ZC3H6: variants seen among roughly 807,000 people sequenced by gnomAD.
ZC3H6 encodes zinc finger CCCH domain-containing protein 6.
In ZC3H6, 40 loss-of-function variants were observed where a neutral mutation model predicts 107.7. The observed-to-expected ratio is 0.37, with a 90% confidence interval of 0.29 to 0.48. The LOEUF (loss-of-function observed/expected upper bound fraction) is 0.48, where lower values mean the gene tolerates loss of function less well. ZC3H6 is among the 20% of genes least tolerant of loss of function. ZC3H6 has a pLI of 0.98. For missense variants in ZC3H6, 1,267 were observed against 1,410.4 expected (o/e 0.90, Z 1.63); for synonymous variants, 493 against 487.9 (o/e 1.01, Z -0.14).
At chr2:112,290,877 T>C (rs1382576001) in intron 1 of ZC3H6, among the ~76,000 whole-genome samples, 3 of 152,280 alleles carry the variant, frequency 2.0e-5, no homozygotes, top group Non-Finnish European at 2.9e-5. Context: ...AGCAATAAAA[T>C]GTTGCATTGA....
chr2:112,315,130 T>C (rs1465211036), intron 5 of ZC3H6, among the ~76,000 whole-genome samples: 1 of 152,226 alleles, frequency 6.6e-6, no homozygotes, highest in Non-Finnish European at 1.5e-5. Context: ...ATTGAACTCC[T>C]ATGATATACA....
intron 5 of ZC3H6, among the ~76,000 whole-genome samples, chr2:112,315,732 A>G (rs538837169): frequency 6.6e-6 from 1 of 152,040 alleles, no homozygotes; most frequent in South Asian, 2.1e-4. Context: ...AGTAGCTGAG[A>G]TTACAGAGGT....
intron 1 of ZC3H6, among the ~76,000 whole-genome samples, chr2:112,289,316 CTTTTTCT>C (rs144482138): frequency 0.2 from 23,409 of 119,214 alleles, 1 homozygote; most frequent in East Asian, 0.24. Flanking sequence ...CTTTTTTTTT[CTTTTTCT>C]TTTTTTTTTT....
At position 112,276,024 on chromosome 2, in the gene ZC3H6, C is replaced by A. The variant is rs1389277573; in HGVS notation, c.30C>A (p.Asp10Glu). MTDSEHAGHDREDGELEDGE... is the reference protein window; with the variant it reads MTDSEHAGHEREDGELEDGE... Reference sequence around the variant, plus strand: ...CAGACTCTGAACATGCAGGGCACGACAGGTCGGGAACCCTTCTTGTCTGTC... The same window carrying A: ...CAGACTCTGAACATGCAGGGCACGAAAGGTCGGGAACCCTTCTTGTCTGTC... Residue 10 changes from aspartate to glutamate, a missense_variant and splice_region_variant, in exon 1 of 12, where the codon GAC (aspartate) becomes GAA (glutamate). This residue lies in a region of ZC3H6 where 337 missense variants were observed against 361.2 expected (regional missense o/e 0.93). Transcript: ENST00000409871. 1 of 1,542,702 alleles carries A rather than the reference C, an allele frequency of 6.5e-7. No individual in the cohort carries two copies. The highest frequency in any genetic ancestry group is 8.7e-7 in the Non-Finnish European group (1 of 1,143,620).
chr2:112,278,416 C>T (rs1220561723), intron 1 of ZC3H6, among the ~76,000 whole-genome samples: 1 of 152,214 alleles, frequency 6.6e-6, no homozygotes, highest in African/African-American at 2.4e-5. Flanking sequence ...TTCCCGCCTT[C>T]ACACCATTCT....
chr2:112,300,737 CTTAAAGAGT>C (rs1676357778), intron 2 of ZC3H6, among the ~76,000 whole-genome samples: 1 of 151,826 alleles, frequency 6.6e-6, no homozygotes, highest in Non-Finnish European at 1.5e-5. Context: ...ATAGTTGGCT[CTTAAAGAGT>C]TTACATTGCA....
chr2:112,280,206 G>A (rs1686501316), intron 1 of ZC3H6, among the ~76,000 whole-genome samples: 1 of 152,084 alleles, frequency 6.6e-6, no homozygotes, highest in Non-Finnish European at 1.5e-5. Context: ...ACAATATCTG[G>A]TTTGTAAATT....
Position 112,309,781 on chromosome 2 carries a change from T to C in ZC3H6, c.337-104T>C, listed in dbSNP as rs1573957881. On this transcript the variant is annotated intron_variant, in intron 3 of 11. Transcript: ENST00000409871. ...AGAGTCAGAACTAATAACTGTCTTT[T>C]CTCCTTTCTCCAAACTTGCTGGGGG... is the stretch of plus-strand genomic sequence containing the variant. The C allele has an allele frequency of 3.5e-6, 4 of 1,152,680 alleles. No individual in the cohort carries two copies. In the East Asian group the frequency reaches 1.0e-4, roughly 30 times the overall value. 71.4% of individuals were successfully genotyped at this position (1,152,680 alleles called of 1,614,324 possible).
At chr2:112,290,167 C>T (rs1415574239) in intron 1 of ZC3H6, among the ~76,000 whole-genome samples, 1 of 152,238 alleles carries the variant, frequency 6.6e-6, no homozygotes, top group Non-Finnish European at 1.5e-5. Context: ...TGTCACCCAA[C>T]TGGTCTGCCC....
At chr2:112,327,885 A>AGTTCATTTTTTTGTTTTTGTTT (rs533434140) in intron 11 of ZC3H6, among the ~76,000 whole-genome samples, 145 of 151,616 alleles carry the variant, frequency 9.6e-4, no homozygotes, top group African/African-American at 3.4e-3. Context: ...GTTTTTTGTT[A>AGTTCATTTTTTTGTTTTTGTTT]GTTCATTTTT....
At chr2:112,330,138 C>T (rs533982942) in intron 11 of ZC3H6, among the ~76,000 whole-genome samples, 8 of 151,626 alleles carry the variant, frequency 5.3e-5, no homozygotes, top group Admixed American at 4.6e-4. Flanking sequence ...CTGCGAGCTC[C>T]GCCTCCCAGG....
intron 1 of ZC3H6, among the ~76,000 whole-genome samples, chr2:112,281,961 G>A (rs1246145117): frequency 2.0e-5 from 3 of 152,054 alleles, no homozygotes; most frequent in Non-Finnish European, 4.4e-5. Context: ...TTGCAAACTG[G>A]TGGGCTTCAG....
Position 112,325,169 on chromosome 2 carries a change from A to G in ZC3H6, c.2058A>G (p.Gln686=). 1 of 1,614,006 alleles carries G rather than the reference A, an allele frequency of 6.2e-7. No homozygotes were observed. The highest frequency in any genetic ancestry group is 8.5e-7 in the Non-Finnish European group (1 of 1,179,888). Residue 686 remains glutamine, a synonymous_variant, in exon 11 of 12, where the codon CAA becomes CAG. Coordinates refer to ENST00000409871, the MANE Select transcript of ZC3H6 (RefSeq NM_198581.3). ...YQEDEEQTST[Q]PHRAPSKEED... is the part of the protein sequence containing the mutation. ...AAGATGAAGAACAAACCAGCACCCA[A>G]CCTCATAGGGCACCAAGCAAGGAAG...
intron 3 of ZC3H6, among the ~76,000 whole-genome samples, chr2:112,307,670 C>T (rs1384657762): frequency 6.6e-6 from 1 of 152,066 alleles, no homozygotes; most frequent in African/African-American, 2.4e-5. Flanking sequence ...ACTCATACAA[C>T]GTGGTGTGAA....
intron 1 of ZC3H6, chr2:112,286,554 C>T (rs1213744864): frequency 1.3e-5 from 2 of 153,104 alleles, no homozygotes; most frequent in Admixed American, 6.5e-5. Context: ...TGTCCTGCCT[C>T]AGCCTCCCAA....
chr2:112,298,693 A>T (rs1676297613), intron 1 of ZC3H6, among the ~76,000 whole-genome samples: 1 of 152,260 alleles, frequency 6.6e-6, no homozygotes, highest in Non-Finnish European at 1.5e-5. Context: ...AAAGAACTTG[A>T]TCAAATGAAT....
chr2:112,311,846 G>A lies in ZC3H6; in HGVS notation c.656G>A (p.Arg219His), dbSNP rs769782150. Residue 219 changes from arginine to histidine, a missense_variant, in exon 5 of 12, where the codon CGT becomes CAT. Arg to His is a conservative substitution (Grantham distance 29, BLOSUM62 0). Transcript: ENST00000409871. Reference protein sequence around the residue: ...RVKSFNVGRGRGLPKKIKRKE... With the variant: ...RVKSFNVGRGHGLPKKIKRKE... ...AAAAGTTTTAATGTTGGTCGTGGAC[G>A]TGGCTTGCCGAAGAAAATCAAACGA... 14 of 1,613,436 alleles carry A rather than the reference G, an allele frequency of 8.7e-6. No individual in the cohort carries two copies. Among genetic ancestry groups the A allele is most frequent in the South Asian group, 1.1e-5 (1 of 90,992 alleles).
At chr2:112,295,194 C>G (rs1437465830) in intron 1 of ZC3H6, among the ~76,000 whole-genome samples, 3 of 151,992 alleles carry the variant, frequency 2.0e-5, no homozygotes, top group Non-Finnish European at 2.9e-5. Context: ...CAGTTATTTA[C>G]CAGTCATTGG....
intron 1 of ZC3H6, among the ~76,000 whole-genome samples, chr2:112,280,595 A>G (rs1686509283): frequency 6.6e-6 from 1 of 152,170 alleles, no homozygotes; most frequent in Admixed American, 6.6e-5. Context: ...ATTGGTAAAT[A>G]CATAGTATAG....
Sources: allele counts gnomAD v4.1 joint callset (sites outside exome capture counted in the v4.1 genomes callset), GRCh38; gene constraint gnomAD v4.1.1; regional missense constraint gnomAD v4.1.1; transcripts MANE v1.5; gene names NCBI Gene and HGNC (gene_info 2026-07-23, HGNC 2026-07-21).